Variants in IL31RA observed in about 807,000 individuals in gnomAD.
IL31RA encodes interleukin 31 receptor A.
IL31RA carries 66 observed loss-of-function variants against 83.7 expected under a neutral mutation model. The ratio of observed to expected loss-of-function variants is 0.79; its 90% confidence interval spans 0.65 to 0.97. The LOEUF (loss-of-function observed/expected upper bound fraction) is 0.97, where lower values mean the gene tolerates loss of function less well. Ranked by LOEUF, IL31RA falls within the 50% of genes least tolerant of loss-of-function variation. IL31RA has a pLI of 0.00. For synonymous variants in IL31RA, 325 were observed against 329.0 expected (o/e 0.99, Z 0.13); for missense variants, 798 against 919.4 (o/e 0.87, Z 1.71).
intron 4 of IL31RA, among the ~76,000 whole-genome samples, chr5:55,878,095 C>T (rs989998048): frequency 1.3e-5 from 2 of 152,062 alleles, no homozygotes; most frequent in African/African-American, 2.4e-5. Context: ...GTTTCTTATG[C>T]CTGCTTAAGT....
chr5:55,851,826 T>A (rs1247181996), intron 1 of IL31RA, among the ~76,000 whole-genome samples, 193 bp downstream of exon 1: 1 of 152,256 alleles, frequency 6.6e-6, no homozygotes, highest in Non-Finnish European at 1.5e-5. Flanking sequence ...TTCTGCTTTC[T>A]CATCTTTACC....
intron 2 of IL31RA, among the ~76,000 whole-genome samples, chr5:55,860,955 C>G (rs1315952146): frequency 6.6e-6 from 1 of 152,178 alleles, no homozygotes; most frequent in African/African-American, 2.4e-5. Flanking sequence ...ACATGGTCAT[C>G]CCTCTGTGCC....
rs1469609012 is a variant in IL31RA at position 55,903,746 on chromosome 5, G to T, written c.1070-2360G>T. The stretch of plus-strand genomic sequence containing the variant: ...CATTTTTTAAAAAAGTGCCTCCAGG[G>T]AGATGAGGAAGCTGCAGAAGCAGGC... On this transcript the variant is annotated intron_variant, in intron 8 of 14. Coordinates refer to ENST00000652347, the MANE Select transcript of IL31RA (RefSeq NM_139017.7). The surrounding 1 kb of genome is among the most constrained non-coding windows in gnomAD (Gnocchi z 4.7). 1.3e-5 allele frequency among the ~76,000 whole-genome samples: 2 copies of T among 152,242 alleles called. No homozygotes were observed. The highest frequency in any genetic ancestry group is 6.5e-5 in the Admixed American group (1 of 15,286).
rs552836589 is a variant in IL31RA at position 55,898,613 on chromosome 5, A to G, written c.853-1303A>G. Among the ~76,000 whole-genome samples the G allele has an allele frequency of 2.4e-3, 357 of 146,746 alleles. 7 individuals carry two copies. Among genetic ancestry groups the G allele is most frequent in the African/African-American group, 8.5e-3 (341 of 39,964 alleles). Reference sequence around the variant, plus strand: ...CATATTAATATGTTATTTTAAAAAGATTTTAAATAACATATTAATGTTATT... The same window carrying G: ...CATATTAATATGTTATTTTAAAAAGGTTTTAAATAACATATTAATGTTATT... On this transcript the variant is annotated intron_variant, in intron 7 of 14. Transcript: ENST00000652347.
chr5:55,891,266 C>T (rs982348526), intron 6 of IL31RA, among the ~76,000 whole-genome samples: 1 of 152,152 alleles, frequency 6.6e-6, no homozygotes, highest in Non-Finnish European at 1.5e-5. Flanking sequence ...AGAGCCTTGC[C>T]CAGAGTCTGA....
chr5:55,873,431 G>T (rs575361108), intron 4 of IL31RA, among the ~76,000 whole-genome samples: 3 of 152,148 alleles, frequency 2.0e-5, no homozygotes, highest in East Asian at 1.9e-4. Context: ...TAGTGAAATT[G>T]CTGAGTCACA....
the IL31RA span, among the ~76,000 whole-genome samples, chr5:55,842,092 T>A: frequency 6.6e-6 from 1 of 152,158 alleles, no homozygotes; most frequent in Admixed American, 6.6e-5. Context: ...ATTTCATGCC[T>A]CTCCTTCTCC....
rs1279876289 is a variant in IL31RA, at chr5:55,919,161, G to A, written c.*2041G>A. On this transcript the variant is annotated 3_prime_UTR_variant, in exon 15 of 15. Transcript: ENST00000652347. ...CTAGCCTTGCCTCCTGTCTTGGCCC[G>A]AGGATGGGGGAGGGCACGGGTACCC... Among the ~76,000 whole-genome samples, 3 of 152,114 alleles carry A rather than the reference G, an allele frequency of 2.0e-5. No individual in the cohort carries two copies. The highest frequency in any genetic ancestry group is 6.5e-5 in the Admixed American group (1 of 15,286).
upstream of IL31RA, among the ~76,000 whole-genome samples, chr5:55,849,209 C>T (rs1032683336): frequency 1.3e-5 from 2 of 151,436 alleles, no homozygotes; most frequent in Admixed American, 1.3e-4. Context: ...ACTTTCATTT[C>T]TTTTAGCTTT....
At chr5:55,880,390 T>G (rs1747131428) in intron 4 of IL31RA, among the ~76,000 whole-genome samples, 1 of 152,220 alleles carries the variant, frequency 6.6e-6, no homozygotes, top group South Asian at 2.1e-4. Flanking sequence ...TTCTCCATGA[T>G]GTGATTATTT....
chr5:55,864,290 GAC>G lies in IL31RA; in HGVS notation c.155-4480_155-4479del, dbSNP rs35236053. ...GGATAGATCCACATATATACACACA[GAC>G]ACACACACACACACACACACCACAC... On this transcript the variant is annotated intron_variant, in intron 2 of 14. Coordinates refer to ENST00000652347, the MANE Select transcript of IL31RA (RefSeq NM_139017.7). Among the ~76,000 whole-genome samples, 109 of 144,466 alleles carry G rather than the reference GAC, an allele frequency of 7.5e-4. 2 individuals carry two copies. The highest frequency in any genetic ancestry group is 3.5e-3 in the Middle Eastern group (1 of 282). 94.8% of individuals were successfully genotyped at this position (144,466 alleles called of 152,430 possible). A position where few individuals can be genotyped will look rare whatever the true frequency, so the allele number is the denominator to read the frequency against.
At position 55,871,605 on chromosome 5, in the gene IL31RA, C is replaced by T. The variant is rs972234560; in HGVS notation, c.273-665C>T. Reference sequence around the variant, plus strand: ...TATATACCAATGTTCAAAAATTCAACCTGAAAAATTATAAAGAATGTAAAA... The same window carrying T: ...TATATACCAATGTTCAAAAATTCAATCTGAAAAATTATAAAGAATGTAAAA... On this transcript the variant is annotated intron_variant, in intron 3 of 14. Transcript: ENST00000652347. Among the ~76,000 whole-genome samples, 33 of 152,062 alleles carry T rather than the reference C, an allele frequency of 2.2e-4. 1 individual carries two copies. The highest frequency in any genetic ancestry group is 7.4e-5 in the Non-Finnish European group (5 of 68,010).
At chr5:55,856,326 A>C (rs1745362406) in intron 1 of IL31RA, among the ~76,000 whole-genome samples, 1 of 152,248 alleles carries the variant, frequency 6.6e-6, no homozygotes, top group Non-Finnish European at 1.5e-5. Flanking sequence ...TAAATGCTGT[A>C]CTCAAATGAG....
At chr5:55,850,026 A>G (rs1436928181), upstream of IL31RA, among the ~76,000 whole-genome samples, 4 of 152,218 alleles carry the variant, frequency 2.6e-5, no homozygotes, top group Non-Finnish European at 5.9e-5. Flanking sequence ...TAATTTTCCA[A>G]TAGAGTTATA....
At chr5:55,890,259 T>G in intron 6 of IL31RA, 124 bp downstream of exon 6, 1 of 898,744 alleles carries the variant, frequency 1.1e-6, no homozygotes, top group East Asian at 2.6e-5. Context: ...AGGGGCCCCC[T>G]GTACCATCGA....
In IL31RA at chr5:55,916,632, T is replaced by C; in HGVS notation, c.1819-12T>C. 1 of 1,612,920 alleles carries C rather than the reference T, an allele frequency of 6.2e-7. No homozygotes were observed. Among genetic ancestry groups the C allele is most frequent in the Non-Finnish European group, 8.5e-7 (1 of 1,178,898 alleles). ...TAAATGACCACTTGGGATGTCCCTTTTTCTTTTCCAGGATAAGCTAAACCT... is the reference window on the plus strand; with the variant it reads ...TAAATGACCACTTGGGATGTCCCTTCTTCTTTTCCAGGATAAGCTAAACCT... On this transcript the variant is annotated splice_polypyrimidine_tract_variant and intron_variant, in intron 14 of 14. Transcript: ENST00000652347.
chr5:55,908,750 A>G (rs1749322905), intron 11 of IL31RA: 2 of 1,436,582 alleles, frequency 1.4e-6, no homozygotes, highest in Non-Finnish European at 1.8e-6. Context: ...AGTGAGGAGG[A>G]ACAGACCCTG....
At chr5:55,855,631 G>T (rs1284088291) in intron 1 of IL31RA, among the ~76,000 whole-genome samples, 2 of 152,142 alleles carry the variant, frequency 1.3e-5, no homozygotes. Context: ...ATTTTATGGG[G>T]GATTGCGTGG....
rs905686296 is a variant in IL31RA at position 55,916,911 on chromosome 5, C to A, written c.2086C>A (p.Pro696Thr). The A allele has an allele frequency of 1.2e-6, 2 of 1,614,082 alleles. No homozygotes were observed. The highest frequency in any genetic ancestry group is 3.3e-5 in the Admixed American group (2 of 60,022). ...GGAGCTCCCAGTTTCACCTGAGATT[C>A]CGCCCAGAAAATCCCAATACCTACG... is the stretch of plus-strand genomic sequence containing the variant. ...FEELPVSPEI[P>T]PRKSQYLRSR... The change falls in exon 15 of 15, where the codon CCG becomes ACG. Residue 696 changes from proline (P) to threonine (T), a missense_variant. Coordinates refer to ENST00000652347, the MANE Select transcript of IL31RA (RefSeq NM_139017.7).
Sources: gnomAD v4.1 joint callset for allele counts (sites outside exome capture counted in the v4.1 genomes callset) on GRCh38, gnomAD v4.1.1 for gene constraint, Gnocchi (gnomAD v3.1) non-coding constraint, MANE v1.5 for transcripts, NCBI Gene and HGNC (gene_info 2026-07-23, HGNC 2026-07-21) for gene names.